Variants in IRAG2 observed in about 807,000 individuals in gnomAD.
The protein encoded by IRAG2 is lymphoid restricted membrane protein.
IRAG2 carries 45 observed loss-of-function variants against 69.9 expected under a neutral mutation model. The ratio of observed to expected loss-of-function variants is 0.64; its 90% CI spans 0.51 to 0.83. IRAG2 has a LOEUF of 0.83. Among genes scored for constraint, IRAG2 ranks in the 40% least tolerant of loss-of-function variants. IRAG2 has a pLI of 0.00. For synonymous variants in IRAG2, 193 were observed against 202.4 expected (o/e 0.95, Z 0.40); for missense variants, 520 against 587.0 (o/e 0.89, Z 1.18).
intron 6 of IRAG2, among the ~76,000 whole-genome samples, chr12:25,078,151 CT>C (rs532486201): frequency 2.2e-4 from 33 of 152,232 alleles, no homozygotes; most frequent in African/African-American, 7.9e-4. Context: ...ATAAGTAAAT[CT>C]TTTCTTGCTA....
At chr12:25,083,679 A>G (rs764648350) in intron 10 of IRAG2, among the ~76,000 whole-genome samples, 186 bp downstream of exon 10, 1 of 152,242 alleles carries the variant, frequency 6.6e-6, no homozygotes, top group Non-Finnish European at 1.5e-5. Flanking sequence ...GACTTGTCTA[A>G]AGTCACACAA....
chr12:25,017,067 T>A (rs1944535394), intron 5 of IRAG2: 1 of 1,188,050 alleles, frequency 8.4e-7, no homozygotes, highest in African/African-American at 1.6e-5. Context: ...TGTTTAACCG[T>A]ATACCTTATT....
chr12:25,077,017 AG>A, intron 6 of IRAG2, among the ~76,000 whole-genome samples: 1 of 151,090 alleles, frequency 6.6e-6, no homozygotes, highest in East Asian at 1.9e-4. Flanking sequence ...CTGCAATCGC[AG>A]GTGTACACCA....
intron 10 of IRAG2, among the ~76,000 whole-genome samples, chr12:25,031,313 GCT>G: frequency 6.6e-6 from 1 of 152,120 alleles, no homozygotes; most frequent in Non-Finnish European, 1.5e-5. Flanking sequence ...CTGCACTCCT[GCT>G]CAGGGTTCAT....
chr12:25,088,604 T>A (rs1185763022), intron 11 of IRAG2, among the ~76,000 whole-genome samples: 1 of 152,188 alleles, frequency 6.6e-6, no homozygotes, highest in Non-Finnish European at 1.5e-5. Flanking sequence ...CTATTGATCT[T>A]GGAAAGTTAC....
intron 13 of IRAG2, chr12:25,035,460 A>C (rs1217137733): frequency 2.6e-6 from 1 of 386,870 alleles, no homozygotes; most frequent in African/African-American, 2.1e-5. Context: ...AGACAGAATA[A>C]ATGTTCAATT....
intron 9 of IRAG2, among the ~76,000 whole-genome samples, chr12:25,027,540 A>G (rs1025486334): frequency 7.3e-5 from 11 of 150,988 alleles, no homozygotes; most frequent in African/African-American, 2.4e-4. Flanking sequence ...GCCTACAGGC[A>G]CCCGCCACCA....
At chr12:25,009,668 C>G (rs1445625513) in intron 2 of IRAG2, among the ~76,000 whole-genome samples, 1 of 152,200 alleles carries the variant, frequency 6.6e-6, no homozygotes, top group Non-Finnish European at 1.5e-5. Context: ...GCCAGGGATT[C>G]AGTAGATCCA....
chr12:25,048,321 C>G (rs190044916), upstream of IRAG2, among the ~76,000 whole-genome samples: 2 of 152,034 alleles, frequency 1.3e-5, no homozygotes, highest in East Asian at 1.9e-4. Context: ...GAGACAGTCT[C>G]TCTCTGTTGC....
At chr12:25,006,511 G>GAA (rs1944432601) in intron 2 of IRAG2, 1 of 152,140 alleles carries the variant, frequency 6.6e-6, no homozygotes, top group African/African-American at 2.4e-5. Context: ...ATAAAATGTG[G>GAA]TACCTACACA....
At chr12:25,010,045 G>C (rs1423072498) in intron 2 of IRAG2, among the ~76,000 whole-genome samples, 1 of 152,208 alleles carries the variant, frequency 6.6e-6, no homozygotes, top group Non-Finnish European at 1.5e-5. Flanking sequence ...GGTACCCATT[G>C]ATACATGAAA....
upstream of IRAG2, chr12:25,052,201 GGA>G (rs1440524971): frequency 2.8e-4 from 96 of 341,032 alleles, no homozygotes; most frequent in Middle Eastern, 4.2e-3. Flanking sequence ...CTTGCGGTTT[GGA>G]CTTTTTTTTT....
At position 25,004,458 on chromosome 12, in the gene IRAG2, CA is replaced by C; in HGVS notation, c.120del (p.Lys40AsnfsTer22). On this transcript the variant is annotated frameshift_variant, in exon 1 of 39. Transcript: ENST00000636465. LOFTEE classifies it high-confidence loss of function. ...TTTCAAATCCAATTCAGCAGATTAT[CA>C]AATACCAATCTAGCAGTTTTGATAG... 1 of 1,232,096 alleles carries C rather than the reference CA, an allele frequency of 8.1e-7. No homozygotes were observed. The highest frequency in any genetic ancestry group is 1.0e-6 in the Non-Finnish European group (1 of 987,958). The allele number at this position is 1,232,096 out of a possible 1,614,324, so 76.3% of individuals were successfully genotyped here. A position where few individuals can be genotyped will look rare whatever the true frequency, so the allele number is the denominator to read the frequency against.
chr12:25,004,730 A>G (rs1247151776), exon 1 of IRAG2: 6 of 1,232,066 alleles, frequency 4.9e-6, no homozygotes, highest in Non-Finnish European at 4.0e-6. Context: ...AGCAACAAGA[A>G]TTATACATCT....
intron 15 of IRAG2, chr12:25,097,325 G>GC: frequency 4.3e-6 from 1 of 230,798 alleles, no homozygotes; most frequent in Non-Finnish European, 8.3e-6. Context: ...CCCTTATATA[G>GC]TGTTATAATC....
At chr12:25,085,077 G>A (rs962295917) in intron 10 of IRAG2, among the ~76,000 whole-genome samples, 2 of 152,248 alleles carry the variant, frequency 1.3e-5, no homozygotes, top group African/African-American at 4.8e-5. Context: ...GATTCCCAAA[G>A]TCCAAGTGAG....
At chr12:25,104,295 G>C in intron 19 of IRAG2, 66 bp from the exon 20 acceptor site, 3 of 1,106,368 alleles carry the variant, frequency 2.7e-6, no homozygotes, top group Non-Finnish European at 4.2e-6. Context: ...TAAGCAGTAG[G>C]AAATAAATTG....
intron 6 of IRAG2, among the ~76,000 whole-genome samples, chr12:25,019,946 G>A (rs1429592449): frequency 6.6e-6 from 1 of 152,140 alleles, no homozygotes; most frequent in Admixed American, 6.5e-5. Flanking sequence ...ATACTGTATT[G>A]TCAGTATGAT....
intron 2 of IRAG2, among the ~76,000 whole-genome samples, chr12:25,010,630 C>A (rs1169404119): frequency 6.6e-6 from 1 of 151,710 alleles, no homozygotes; most frequent in Non-Finnish European, 1.5e-5. Context: ...AGTATCTCCT[C>A]CTTCTAATTA....
Sources: allele counts gnomAD v4.1 joint callset (sites outside exome capture counted in the v4.1 genomes callset), GRCh38; gene constraint gnomAD v4.1.1; transcripts MANE v1.5; gene names NCBI Gene and HGNC (gene_info 2026-07-23, HGNC 2026-07-21).